The following KIAA0586 variants were observed in gnomAD, a reference collection of about 807,000 sequenced individuals.
KIAA0586 encodes protein TALPID3.
KIAA0586 carries 144 observed loss-of-function variants against 169.8 expected under a neutral mutation model. The observed-to-expected ratio is 0.85, with a 90% CI of 0.74 to 0.97. The LOEUF is 0.97. Among genes scored for constraint, KIAA0586 ranks in the 50% least tolerant of loss-of-function variants. The pLI, the probability that KIAA0586 is intolerant of heterozygous loss-of-function variation, is 0.00. For missense variants in KIAA0586, 1,854 were observed against 1,823.0 expected, an observed-to-expected ratio of 1.02 and a Z score of -0.31; for synonymous variants, 625 against 612.4, an observed-to-expected ratio of 1.02 and a Z score of -0.30.
At position 58,430,719 on chromosome 14, in the gene KIAA0586, TA is replaced by T. The variant is rs762686531; in HGVS notation, c.340+6del. 35 of 1,548,238 alleles carry T rather than the reference TA, an allele frequency of 2.3e-5. 2 individuals are homozygous for T. In the South Asian group the frequency reaches 3.7e-4, roughly 16 times the overall value. ...TAGAAGAGAACAACAAGCAAAAAGG[TA>T]AAAGAATAATATTGATTTTTTTAAA... On this transcript the variant is annotated splice_donor_region_variant and intron_variant, in intron 3 of 30. Transcript: ENST00000652326.
chr14:58,522,284 C>T (rs547001403), intron 29 of KIAA0586, among the ~76,000 whole-genome samples: 98 of 152,252 alleles, frequency 6.4e-4, no homozygotes, highest in African/African-American at 2.2e-3. Flanking sequence ...TTAACTGTCT[C>T]CAAAATAATC....
rs1344100081 is a variant in KIAA0586 at position 58,441,357 on chromosome 14, C to CA, written c.411-1348dup. The CA allele has an allele frequency of 7.2e-6, 3 of 414,562 alleles. No individual in the cohort carries two copies. Among genetic ancestry groups the CA allele is most frequent in the Non-Finnish European group, 1.5e-5 (3 of 205,418 alleles). 25.7% of individuals were successfully genotyped at this position (414,562 alleles called of 1,614,324 possible). On this transcript the variant is annotated intron_variant, in intron 4 of 30. Transcript: ENST00000652326. ...CTGGGACTACAGGTGTGTGCCACCACACCTGGCTAATTTTTGTATTTTTTG... is the reference window on the plus strand; with the variant it reads ...CTGGGACTACAGGTGTGTGCCACCACAACCTGGCTAATTTTTGTATTTTTTG...
chr14:58,520,398 C>T (rs1206013610), intron 29 of KIAA0586, among the ~76,000 whole-genome samples: 2 of 152,252 alleles, frequency 1.3e-5, no homozygotes, highest in South Asian at 2.1e-4. Context: ...TACTTTCTGT[C>T]TCTATGGATT....
downstream of KIAA0586, among the ~76,000 whole-genome samples, chr14:58,555,292 C>G (rs867826048): frequency 6.6e-6 from 1 of 151,522 alleles, no homozygotes; most frequent in Non-Finnish European, 1.5e-5. Flanking sequence ...GTAGAGACAG[C>G]GTTTCACCAT....
chr14:58,432,958 T>A (rs985639566), intron 4 of KIAA0586, among the ~76,000 whole-genome samples: 1 of 152,140 alleles, frequency 6.6e-6, no homozygotes, highest in Non-Finnish European at 1.5e-5. Flanking sequence ...TCAGGTGATC[T>A]ACCTGCTTCG....
chr14:58,537,203 G>A, intron 29 of KIAA0586: 31 of 1,036,914 alleles, frequency 3.0e-5, no homozygotes, highest in Non-Finnish European at 3.4e-5. Flanking sequence ...AATAAAAGTG[G>A]TCAACTCTGA....
At chr14:58,500,423 C>G (rs1167663599) in intron 27 of KIAA0586, among the ~76,000 whole-genome samples, 2 of 151,990 alleles carry the variant, frequency 1.3e-5, no homozygotes, top group Non-Finnish European at 2.9e-5. Flanking sequence ...AAACACTAGA[C>G]AGGCCAGATG....
chr14:58,456,613 T>A (rs2039873049), intron 9 of KIAA0586, 89 bp from the exon 10 acceptor site: 1 of 694,664 alleles, frequency 1.4e-6, no homozygotes, highest in Non-Finnish European at 2.5e-6. Context: ...TATCAAAGAT[T>A]TGTGTAATGA....
chr14:58,469,665 A>T (rs1332211055), intron 16 of KIAA0586, among the ~76,000 whole-genome samples: 1 of 152,220 alleles, frequency 6.6e-6, no homozygotes, highest in East Asian at 1.9e-4. Context: ...AGATGCTAGT[A>T]AAGCATTAAT....
intron 20 of KIAA0586, among the ~76,000 whole-genome samples, chr14:58,477,934 C>T (rs557362132): frequency 6.6e-6 from 1 of 152,004 alleles, no homozygotes; most frequent in African/African-American, 2.4e-5. Context: ...TTCCTTTCCA[C>T]CTCCTCCTTG....
At chr14:58,454,526 A>T (rs981762291) in intron 9 of KIAA0586, among the ~76,000 whole-genome samples, 1 of 152,212 alleles carries the variant, frequency 6.6e-6, no homozygotes, top group African/African-American at 2.4e-5. Flanking sequence ...TATGGATTCA[A>T]GTTAGCCCAG....
In KIAA0586 at chr14:58,469,795, A is replaced by C. The variant is rs76838670; in HGVS notation, c.2443-818A>C. 4.6e-4 allele frequency among the ~76,000 whole-genome samples: 70 copies of C among 152,298 alleles called. No individual in the cohort carries two copies. The East Asian group carries it at 0.011, about 23-fold the overall frequency. ...AGTACAGTTTATCAGCAAGCAAACT[A>C]AATAAGTTTTGCCAGTAACCAAGAT... On this transcript the variant is annotated intron_variant, in intron 16 of 30. Coordinates refer to ENST00000652326, the MANE Select transcript of KIAA0586 (RefSeq NM_001329943.3).
chr14:58,434,932 G>A (rs536809196), intron 4 of KIAA0586, among the ~76,000 whole-genome samples: 8 of 151,644 alleles, frequency 5.3e-5, no homozygotes, highest in African/African-American at 1.9e-4. Flanking sequence ...GGGACTACAG[G>A]CATGTGCCAC....
chr14:58,552,600 A>G (rs569122899), downstream of KIAA0586, among the ~76,000 whole-genome samples: 1 of 152,298 alleles, frequency 6.6e-6, no homozygotes, highest in Admixed American at 6.5e-5. Flanking sequence ...ACCCCTAACC[A>G]AAGTTAAAAC....
At chr14:58,483,110 A>G (rs10150130) in intron 21 of KIAA0586, among the ~76,000 whole-genome samples, 6,794 of 152,206 alleles carry the variant, frequency 0.045, 461 homozygotes, top group African/African-American at 0.15. Context: ...ATCCTTGCAT[A>G]CTCGACTCTC....
At chr14:58,476,114 A>G (rs1350980646) in intron 19 of KIAA0586, among the ~76,000 whole-genome samples, 1 of 152,184 alleles carries the variant, frequency 6.6e-6, no homozygotes, top group Non-Finnish European at 1.5e-5. Flanking sequence ...AAACAAAACA[A>G]AAAACTGTGC....
chr14:58,453,544 G>T (rs1334698598), intron 9 of KIAA0586, 71 bp downstream of exon 9: 3 of 1,101,260 alleles, frequency 2.7e-6, no homozygotes, highest in South Asian at 1.8e-5. Flanking sequence ...ATTTCTTTGG[G>T]ACTTTTAATA....
chr14:58,537,054 GC>G, intron 29 of KIAA0586: 1 of 1,268,646 alleles, frequency 7.9e-7, no homozygotes, highest in Non-Finnish European at 1.0e-6. Context: ...AACTTGAGAA[GC>G]AGTTTTCAAG....
At chr14:58,528,883 A>G (rs1403747119) in intron 29 of KIAA0586, among the ~76,000 whole-genome samples, 1 of 152,162 alleles carries the variant, frequency 6.6e-6, no homozygotes, top group Non-Finnish European at 1.5e-5. Context: ...ATAGAGACAC[A>G]CAAAACCCTT....
Sources: allele counts gnomAD v4.1 joint callset (sites outside exome capture counted in the v4.1 genomes callset), GRCh38; gene constraint gnomAD v4.1.1; transcripts MANE v1.5; gene names NCBI Gene and HGNC (gene_info 2026-07-23, HGNC 2026-07-21).